The following DNMT3B variants were observed in gnomAD, a reference collection of about 807,000 sequenced individuals.
DNMT3B encodes DNA (cytosine-5)-methyltransferase 3B.
A neutral mutation model predicts 120.2 loss-of-function variants in DNMT3B; 37 were observed. That is an observed-to-expected ratio of 0.31 (90% CI 0.24 to 0.40). The LOEUF is 0.40. DNMT3B is among the 10% of genes least tolerant of loss of function. The pLI is 1.00. For missense variants in DNMT3B, 878 were observed against 1,137.3 expected, an observed-to-expected ratio of 0.77 and a Z score of 3.28; for synonymous variants, 412 against 442.8, an observed-to-expected ratio of 0.93 and a Z score of 0.87.
intron 20 of DNMT3B, among the ~76,000 whole-genome samples, chr20:32,803,400 G>A (rs769813262): frequency 5.3e-5 from 8 of 152,166 alleles, no homozygotes; most frequent in Non-Finnish European, 8.8e-5. Context: ...GGGTCCTGGG[G>A]TAGCTTGGAG....
rs375596097 is a variant in DNMT3B, at chr20:32,792,598, C to A, written c.922-28C>A. 6.2e-6 allele frequency: 10 copies of A among 1,614,152 alleles called. No homozygotes were observed. The Admixed American group carries it at 1.3e-4, about 22-fold the overall frequency. On this transcript the variant is annotated intron_variant, in intron 8 of 22. Transcript: ENST00000328111. ...TGGCGAGCACCTCCTCCCCACCCCC[C>A]CATTCATCACAGACTCTGCCTTTGC...
intron 1 of DNMT3B, among the ~76,000 whole-genome samples, chr20:32,778,729 G>A (rs941359487): frequency 6.6e-5 from 10 of 152,256 alleles, no homozygotes; most frequent in African/African-American, 2.4e-4. Context: ...GAGATGCTGA[G>A]GTGGGAGGAT....
At chr20:32,764,849 TAAGGGAGGAGC>T (rs972949585) in intron 1 of DNMT3B, among the ~76,000 whole-genome samples, 3 of 152,150 alleles carry the variant, frequency 2.0e-5, no homozygotes, top group Admixed American at 1.3e-4. Flanking sequence ...TGCAGGGGTC[TAAGGGAGGAGC>T]AAGGGAGGTG....
At chr20:32,774,462 G>C (rs545167618) in intron 1 of DNMT3B, among the ~76,000 whole-genome samples, 1 of 149,508 alleles carries the variant, frequency 6.7e-6, no homozygotes. Flanking sequence ...GCCCACGTCG[G>C]CCTCCCAAAG....
chr20:32,766,680 C>T (rs917823700), intron 1 of DNMT3B, among the ~76,000 whole-genome samples: 3 of 151,990 alleles, frequency 2.0e-5, no homozygotes, highest in Non-Finnish European at 4.4e-5. Context: ...CTCTGCCTCC[C>T]AGGTTCAAGC....
chr20:32,797,321 G>A (rs1047955295), intron 14 of DNMT3B, 22 bp downstream of exon 14: 3 of 1,609,798 alleles, frequency 1.9e-6, no homozygotes, highest in Non-Finnish European at 2.5e-6. Flanking sequence ...GCCCTGTGGG[G>A]TGGATGTGGG....
rs374520428 is a variant in DNMT3B at position 32,798,561 on chromosome 20, G to C, written c.1592G>C (p.Arg531Pro). The change falls in exon 15 of 23, where the codon CGC becomes CCC. Residue 531 changes from arginine (R) to proline (P), a missense_variant. By Grantham distance (103) the Arg-to-Pro change is moderately radical (BLOSUM62 -2). Around this residue, in one of 4 missense-constraint regions of DNMT3B, gnomAD observed 334 missense variants for 518.8 expected, o/e 0.64. Transcript: ENST00000328111. The part of the protein sequence containing the change: ...PWSCYMCLPQ[R>P]CHGVLRRRKD... ...AGCTGTTACATGTGTCTCCCGCAGC[G>C]CTGTCATGGCGTCCTGCGGCGCCGG... 1 of 1,614,212 alleles carries C rather than the reference G, an allele frequency of 6.2e-7. No individual in the cohort carries two copies. The highest frequency in any genetic ancestry group is 8.5e-7 in the Non-Finnish European group (1 of 1,180,034).
At chr20:32,785,345 G>T (rs866069082) in intron 4 of DNMT3B, among the ~76,000 whole-genome samples, 1 of 152,130 alleles carries the variant, frequency 6.6e-6, no homozygotes. Flanking sequence ...CGGCTGGAAG[G>T]TTTTCTCTAT....
intron 22 of DNMT3B, 142 bp from the exon 23 acceptor site, chr20:32,807,620 G>A (rs758582877): frequency 1.6e-6 from 2 of 1,224,798 alleles, no homozygotes. Context: ...CTGAATTAAG[G>A]GCTCTGAATT....
intron 1 of DNMT3B, among the ~76,000 whole-genome samples, chr20:32,777,154 G>A (rs1338257548): frequency 6.6e-6 from 1 of 152,162 alleles, no homozygotes; most frequent in Non-Finnish European, 1.5e-5. Flanking sequence ...TTGCTCCTGG[G>A]GGACACCCAG....
chr20:32,798,215 A>G (rs1168876878), intron 14 of DNMT3B, among the ~76,000 whole-genome samples: 3 of 152,118 alleles, frequency 2.0e-5, no homozygotes. Flanking sequence ...GTGTCCATGG[A>G]ATGAAGTAGG....
chr20:32,766,895 A>G (rs1987401281), intron 1 of DNMT3B, among the ~76,000 whole-genome samples: 1 of 147,336 alleles, frequency 6.8e-6, no homozygotes. Flanking sequence ...TTTTTTAATT[A>G]TTTTTATTTT....
intron 1 of DNMT3B, among the ~76,000 whole-genome samples, chr20:32,766,177 CTACAAAAAA>C (rs1987355267): frequency 6.6e-6 from 1 of 152,064 alleles, no homozygotes; most frequent in African/African-American, 2.4e-5. Context: ...AACCGTGACT[CTACAAAAAA>C]TACAAAAAGT....
At chr20:32,784,901 C>G (rs745966744) in intron 4 of DNMT3B, 42 bp downstream of exon 4, 9 of 1,586,144 alleles carry the variant, frequency 5.7e-6, no homozygotes, top group African/African-American at 1.3e-5. Context: ...GTGGCCAACA[C>G]TCTACATAGC....
chr20:32,776,449 A>T (rs1225014114), intron 1 of DNMT3B, among the ~76,000 whole-genome samples: 3 of 152,204 alleles, frequency 2.0e-5, no homozygotes, highest in African/African-American at 7.2e-5. Flanking sequence ...TCATGAAGTC[A>T]GTGAGATACA....
At chr20:32,789,932 T>TTA (rs1979764296) in intron 7 of DNMT3B, among the ~76,000 whole-genome samples, 1 of 152,124 alleles carries the variant, frequency 6.6e-6, no homozygotes, top group Non-Finnish European at 1.5e-5. Flanking sequence ...CCTGTGATGG[T>TTA]CTCTTAGAAG....
chr20:32,801,483 T>C, intron 19 of DNMT3B, 57 bp downstream of exon 19: 1 of 1,608,946 alleles, frequency 6.2e-7, no homozygotes, highest in South Asian at 1.1e-5. Flanking sequence ...AAAGCGCTGC[T>C]GGCAGTGATG....
chr20:32,775,513 G>A (rs1001274970), intron 1 of DNMT3B, among the ~76,000 whole-genome samples: 3 of 152,200 alleles, frequency 2.0e-5, no homozygotes, highest in African/African-American at 7.2e-5. Context: ...ATCTGACCTG[G>A]TTCAGTCGGG....
In DNMT3B at chr20:32,789,012, G is replaced by A; in HGVS notation, c.813G>A (p.Glu271=). 1 of 1,614,000 alleles carries A rather than the reference G, an allele frequency of 6.2e-7. No homozygotes were observed. The highest frequency in any genetic ancestry group is 8.5e-7 in the Non-Finnish European group (1 of 1,180,018). ...VQWFGDGKFS[E]VSADKLVALG... ...GGTTTGGCGATGGCAAGTTCTCCGA[G>A]GTGAGTCCGGGGAAGGGCAAGGGGT... Residue 271 remains glutamate (E), a splice_region_variant and synonymous_variant, in exon 7 of 23, where the codon GAG becomes GAA. Transcript: ENST00000328111.
Sources: gnomAD v4.1 joint callset for allele counts (sites outside exome capture counted in the v4.1 genomes callset) on GRCh38, gnomAD v4.1.1 for gene constraint, gnomAD v4.1.1 regional missense constraint, MANE v1.5 for transcripts, NCBI Gene and HGNC (gene_info 2026-07-23, HGNC 2026-07-21) for gene names.